Variants in RNF24 observed in about 807,000 individuals in gnomAD.
RNF24 encodes ring finger protein 24.
Under a neutral mutation model 20.0 loss-of-function variants are expected in RNF24, and 14 were observed. That is an observed-to-expected ratio of 0.70 (90% CI 0.46 to 1.10). The LOEUF is 1.10. Among genes scored for constraint, RNF24 ranks in the 50% least tolerant of loss-of-function variants. RNF24 has a pLI of 0.00. For synonymous variants in RNF24, 45 were observed against 61.1 expected, an observed-to-expected ratio of 0.74 and a Z score of 1.23; for missense variants, 124 against 177.6, an observed-to-expected ratio of 0.70 and a Z score of 1.71.
At chr20:3,995,087 A>G (rs1393977617) in intron 1 of RNF24, among the ~76,000 whole-genome samples, 1 of 152,250 alleles carries the variant, frequency 6.6e-6, no homozygotes, top group Non-Finnish European at 1.5e-5. Context: ...GAAAGATGGC[A>G]TAGCAGAGGC....
chr20:4,004,787 T>A (rs1981710427), intron 1 of RNF24, among the ~76,000 whole-genome samples: 2 of 152,210 alleles, frequency 1.3e-5, no homozygotes, highest in Non-Finnish European at 2.9e-5. Flanking sequence ...CTTTCTGTTG[T>A]TTAAAGCCAC....
At chr20:3,945,780 A>G (rs564431162) in intron 3 of RNF24, among the ~76,000 whole-genome samples, 1 of 152,126 alleles carries the variant, frequency 6.6e-6, no homozygotes, top group Non-Finnish European at 1.5e-5. Flanking sequence ...GTGACCAGAC[A>G]GTAGTTAAAA....
intron 1 of RNF24, among the ~76,000 whole-genome samples, chr20:3,964,471 AT>A (rs2091237368): frequency 1.3e-5 from 2 of 152,180 alleles, no homozygotes; most frequent in South Asian, 4.1e-4. Context: ...AATATGATTA[AT>A]TATATAGTCA....
intron 1 of RNF24, among the ~76,000 whole-genome samples, chr20:4,003,116 C>T (rs866835941): frequency 1.3e-5 from 2 of 152,096 alleles, no homozygotes; most frequent in Non-Finnish European, 2.9e-5. Flanking sequence ...ATTATAGGCG[C>T]CTGCCACGGC....
rs746282999 is a variant in RNF24, at chr20:3,986,823, G to A, written c.-7-22799C>T. Among the ~76,000 whole-genome samples the A allele has an allele frequency of 8.6e-4, 130 of 151,664 alleles. 1 individual carries two copies. The highest frequency in any genetic ancestry group is 3.8e-3 in the Admixed American group (58 of 15,240). On this transcript the variant is annotated intron_variant, in intron 1 of 5. Coordinates refer to ENST00000358395, the MANE Select transcript of RNF24 (RefSeq NM_001134337.3). ...GCCACCATGCCCAGCTAATTTTTTTGCATTTTTAGTAGAGATGGGGTTTCG... is the reference window on the plus strand; with the variant it reads ...GCCACCATGCCCAGCTAATTTTTTTACATTTTTAGTAGAGATGGGGTTTCG...
At chr20:3,986,367 T>G (rs1238991430) in intron 1 of RNF24, among the ~76,000 whole-genome samples, 1 of 151,820 alleles carries the variant, frequency 6.6e-6, no homozygotes, top group African/African-American at 2.4e-5. Flanking sequence ...TCCTCCTGCC[T>G]CAGCTTCCCG....
chr20:4,008,554 A>AT (rs1936648763), intron 1 of RNF24, among the ~76,000 whole-genome samples: 3 of 122,686 alleles, frequency 2.4e-5, no homozygotes, highest in African/African-American at 6.3e-5. Context: ...ATATATATAT[A>AT]TATTTTTTTT....
At chr20:3,953,301 G>T (rs927899248) in intron 2 of RNF24, among the ~76,000 whole-genome samples, 5 of 151,446 alleles carry the variant, frequency 3.3e-5, no homozygotes, top group Admixed American at 2.0e-4. Context: ...ACAGACACCC[G>T]CCACCACGCC....
Position 3,935,038 on chromosome 20 carries a change from T to G in RNF24, c.264A>C (p.Arg88=). ...CAVCLEDFKP[R]DELGICPCKH... ...TACATGGGCAAATCCCCAACTCATC[T>G]CGAGGCTTGAAGTCTTCTAGGCACA... is the stretch of plus-strand genomic sequence containing the variant. The change falls in exon 5 of 6, where the codon CGA becomes CGC. Residue 88 remains arginine (R), a synonymous_variant. Coordinates refer to ENST00000358395, the MANE Select transcript of RNF24 (RefSeq NM_001134337.3). The G allele has an allele frequency of 6.2e-7, 1 of 1,614,034 alleles. No homozygotes were observed. The highest frequency in any genetic ancestry group is 8.5e-7 in the Non-Finnish European group (1 of 1,179,944).
intron 2 of RNF24, among the ~76,000 whole-genome samples, chr20:3,960,024 G>A (rs1447816039): frequency 6.6e-6 from 1 of 152,144 alleles, no homozygotes. Context: ...TGCTCCAGTA[G>A]TGCCCTGTTC....
chr20:4,011,617 T>C (rs982322679), intron 1 of RNF24, among the ~76,000 whole-genome samples: 1 of 152,208 alleles, frequency 6.6e-6, no homozygotes, highest in African/African-American at 2.4e-5. Context: ...TCATAGAGTT[T>C]GAATGAATTA....
chr20:3,992,030 G>A (rs1288123241), intron 1 of RNF24, among the ~76,000 whole-genome samples: 2 of 152,074 alleles, frequency 1.3e-5, no homozygotes, highest in African/African-American at 2.4e-5. Flanking sequence ...CTTGAGCGCA[G>A]AATTACATTG....
intron 1 of RNF24, among the ~76,000 whole-genome samples, chr20:4,007,738 C>CAAAAA (rs1161702317): frequency 7.7e-4 from 43 of 56,144 alleles, no homozygotes; most frequent in Non-Finnish European, 1.1e-3. Flanking sequence ...CCTGTCTCTA[C>CAAAAA]AAAAAAAAAA....
At chr20:4,004,549 T>C (rs1011469849) in intron 1 of RNF24, among the ~76,000 whole-genome samples, 1 of 151,742 alleles carries the variant, frequency 6.6e-6, no homozygotes, top group Admixed American at 6.6e-5. Flanking sequence ...GATCTGGAGA[T>C]GAGAGCATTT....
At chr20:3,960,710 A>G (rs2091192331) in intron 2 of RNF24, among the ~76,000 whole-genome samples, 1 of 152,226 alleles carries the variant, frequency 6.6e-6, no homozygotes, top group Admixed American at 6.5e-5. Context: ...ACCAATGACT[A>G]GTAAATGAAG....
intron 3 of RNF24, among the ~76,000 whole-genome samples, 195 bp downstream of exon 3, chr20:3,948,042 G>A (rs571191184): frequency 1.4e-4 from 20 of 148,144 alleles, no homozygotes; most frequent in African/African-American, 4.7e-4. Flanking sequence ...GCGAAACTCC[G>A]TCTCAAAAAA....
Position 3,932,792 on chromosome 20 carries a change from A to G in RNF24, c.*1271T>C, listed in dbSNP as rs536854617. 264 of 397,522 alleles carry G rather than the reference A, an allele frequency of 6.6e-4. No individual in the cohort carries two copies. Among genetic ancestry groups the G allele is most frequent in the Middle Eastern group, 1.2e-3 (2 of 1,610 alleles). 24.6% of individuals were successfully genotyped at this position (397,522 alleles called of 1,614,324 possible). On this transcript the variant is annotated 3_prime_UTR_variant, in exon 6 of 6. Coordinates refer to ENST00000358395, the MANE Select transcript of RNF24 (RefSeq NM_001134337.3). ...TTTTCCATCTGACCTGCTACTTTCC[A>G]TAGCTAATTTATACAATATTCACAA...
chr20:3,994,683 T>C (rs551162485), intron 1 of RNF24, among the ~76,000 whole-genome samples: 1 of 152,298 alleles, frequency 6.6e-6, no homozygotes, highest in African/African-American at 2.4e-5. Context: ...GAAGCTACTC[T>C]GGGAGAAGTG....
chr20:3,933,155 G>C lies in RNF24; in HGVS notation c.*908C>G. On this transcript the variant is annotated 3_prime_UTR_variant, in exon 6 of 6. Transcript: ENST00000358395. The stretch of plus-strand genomic sequence containing the variant: ...AAGGAGGGGGAGAGGCCAAAGGGTC[G>C]GCATTCCCTTCATCCAGCCGGGCCA... 1 of 391,310 alleles carries C rather than the reference G, an allele frequency of 2.6e-6. No individual in the cohort carries two copies. Among genetic ancestry groups the C allele is most frequent in the Non-Finnish European group, 4.5e-6 (1 of 224,078 alleles). The allele number at this position is 391,310 out of a possible 1,614,324, so 24.2% of individuals were successfully genotyped here. A position where few individuals can be genotyped will look rare whatever the true frequency, so the allele number is the denominator to read the frequency against.
Sources: allele counts gnomAD v4.1 joint callset (sites outside exome capture counted in the v4.1 genomes callset), GRCh38; gene constraint gnomAD v4.1.1; transcripts MANE v1.5; gene names NCBI Gene and HGNC (gene_info 2026-07-23, HGNC 2026-07-21).